Variants in SPOCD1 observed in about 807,000 individuals in gnomAD.
SPOCD1 encodes the protein SPOC domain containing 1.
Under a neutral mutation model 92.2 loss-of-function variants are expected in SPOCD1, and 64 were observed. The observed-to-expected ratio is 0.69, with a 90% CI of 0.57 to 0.86. SPOCD1 has a LOEUF of 0.86. Among genes scored for constraint, SPOCD1 ranks in the 40% least tolerant of loss-of-function variants. The pLI, the probability that SPOCD1 is intolerant of heterozygous loss-of-function variation, is 0.00. For missense variants in SPOCD1, 1,360 were observed against 1,543.1 expected, an observed-to-expected ratio of 0.88 and a Z score of 1.99; for synonymous variants, 578 against 619.3, an observed-to-expected ratio of 0.93 and a Z score of 0.99.
At chr1:31,802,797 G>A (rs541874850) in intron 2 of SPOCD1, among the ~76,000 whole-genome samples, 2 of 151,936 alleles carry the variant, frequency 1.3e-5, no homozygotes, top group Non-Finnish European at 2.9e-5. Flanking sequence ...GCTACCATTC[G>A]CGTTACAGAC....
chr1:31,808,819 A>T (rs1348426706), intron 2 of SPOCD1, among the ~76,000 whole-genome samples: 1 of 152,264 alleles, frequency 6.6e-6, no homozygotes, highest in South Asian at 2.1e-4. Flanking sequence ...TAATAAAAGC[A>T]AGATTTCTGG....
chr1:31,809,697 A>C (rs1649074010), intron 2 of SPOCD1, among the ~76,000 whole-genome samples: 1 of 152,224 alleles, frequency 6.6e-6, no homozygotes, highest in Non-Finnish European at 1.5e-5. Flanking sequence ...TAGCATGAAG[A>C]TAATACCAGT....
intron 10 of SPOCD1, chr1:31,795,633 C>T (rs1358493070): frequency 6.6e-6 from 1 of 152,196 alleles, no homozygotes; most frequent in Non-Finnish European, 1.5e-5. Flanking sequence ...AGCCACACCC[C>T]TTAGGGATCC....
intron 13 of SPOCD1, 57 bp downstream of exon 13, chr1:31,793,220 GA>G: frequency 6.6e-7 from 1 of 1,511,010 alleles, no homozygotes; most frequent in Non-Finnish European, 8.9e-7. Flanking sequence ...GAGAGAGAGA[GA>G]GGCTGCCTGG....
At chr1:31,805,921 TAATATACG>T (rs959042669) in intron 2 of SPOCD1, among the ~76,000 whole-genome samples, 3 of 152,110 alleles carry the variant, frequency 2.0e-5, no homozygotes, top group Non-Finnish European at 4.4e-5. Flanking sequence ...CAAAATGGAA[TAATATACG>T]AACAGGCAAA....
At chr1:31,792,633 G>T in intron 14 of SPOCD1, 45 bp downstream of exon 14, 1 of 1,463,076 alleles carries the variant, frequency 6.8e-7, no homozygotes, top group Non-Finnish European at 9.3e-7. Flanking sequence ...GGAGGTGGGA[G>T]TAAGGTACTA....
chr1:31,806,218 G>A (rs1175415113), intron 2 of SPOCD1, among the ~76,000 whole-genome samples: 1 of 130,248 alleles, frequency 7.7e-6, no homozygotes, highest in Non-Finnish European at 1.8e-5. Context: ...ATAATCAGTA[G>A]GAATAAAAAA....
At chr1:31,812,505 A>T (rs1285045699) in intron 2 of SPOCD1, among the ~76,000 whole-genome samples, 2 of 152,340 alleles carry the variant, frequency 1.3e-5, no homozygotes, top group African/African-American at 4.8e-5. Flanking sequence ...ACAATAAGGC[A>T]TAATAGGAGC....
intron 6 of SPOCD1, 64 bp from the exon 7 acceptor site, chr1:31,799,549 A>G (rs1648288281): frequency 1.4e-6 from 2 of 1,422,728 alleles, no homozygotes; most frequent in East Asian, 4.7e-5. Context: ...GGGCTGACTC[A>G]AGGCTGATGG....
intron 10 of SPOCD1, chr1:31,796,096 C>T: frequency 8.2e-6 from 2 of 244,360 alleles, no homozygotes; most frequent in East Asian, 2.2e-4. Flanking sequence ...AGACTATTGT[C>T]ACTCCCGTTG....
chr1:31,791,270 G>T lies in SPOCD1; in HGVS notation c.2984C>A (p.Ser995Tyr). ...GGPGLWALPVSPLLSPGLEVT... is the reference protein window; with the variant it reads ...GGPGLWALPVYPLLSPGLEVT... ...CTCCAGACCTGGGGAAAGGAGAGGG[G>T]AGACAGGAAGAGCCCAAAGGCCTGC... The change falls in exon 16 of 16, where the codon TCC becomes TAC. Residue 995 changes from serine (S) to tyrosine (Y), a missense_variant. Ser to Tyr is a moderately radical substitution (Grantham distance 144, BLOSUM62 -2). Coordinates refer to ENST00000360482, the MANE Select transcript of SPOCD1 (RefSeq NM_144569.7). 6.5e-7 allele frequency: 1 copy of T among 1,542,452 alleles called. No individual in the cohort carries two copies. Among genetic ancestry groups the T allele is most frequent in the Non-Finnish European group, 8.7e-7 (1 of 1,143,732 alleles).
At chr1:31,799,899 G>C (rs935688952) in intron 5 of SPOCD1, 36 bp from the exon 6 acceptor site, 12 of 1,614,026 alleles carry the variant, frequency 7.4e-6, no homozygotes, top group Non-Finnish European at 1.0e-5. Context: ...GGCTGTGCTG[G>C]TGGGCCTGGC....
chr1:31,804,985 C>CTTTCTTTTTTT (rs1553199549), intron 2 of SPOCD1, among the ~76,000 whole-genome samples: 3 of 105,918 alleles, frequency 2.8e-5, no homozygotes, highest in Non-Finnish European at 3.7e-5. Context: ...TTCTTTCTTT[C>CTTTCTTTTTTT]TTTTTTTTTT....
chr1:31,803,576 A>G (rs778189879), intron 2 of SPOCD1, among the ~76,000 whole-genome samples: 107 of 74,120 alleles, frequency 1.4e-3, no homozygotes, highest in Non-Finnish European at 2.4e-3. Context: ...CTACAAAAAC[A>G]AGAAAAAAAA....
chr1:31,813,896 G>T (rs1202199239), intron 2 of SPOCD1, 55 bp downstream of exon 2: 8 of 1,412,922 alleles, frequency 5.7e-6, no homozygotes, highest in Non-Finnish European at 7.5e-6. Context: ...GCCAAGTATG[G>T]TATTGAGAAA....
At chr1:31,813,421 T>C (rs183563956) in intron 2 of SPOCD1, among the ~76,000 whole-genome samples, 84 of 152,330 alleles carry the variant, frequency 5.5e-4, no homozygotes, top group Admixed American at 2.7e-3. Flanking sequence ...TGTGCCACCA[T>C]GCCCAGCTAA....
intron 2 of SPOCD1, among the ~76,000 whole-genome samples, chr1:31,802,298 G>A (rs558148178): frequency 1.8e-4 from 28 of 152,308 alleles, no homozygotes; most frequent in Non-Finnish European, 3.1e-4. Context: ...TGAAGTAGCT[G>A]GCCCCACAGA....
At chr1:31,805,837 G>A (rs1169521874) in intron 2 of SPOCD1, among the ~76,000 whole-genome samples, 1 of 151,910 alleles carries the variant, frequency 6.6e-6, no homozygotes, top group East Asian at 1.9e-4. Flanking sequence ...AGACCTTTAA[G>A]GAAAGAAAAT....
chr1:31,793,749 G>A lies in SPOCD1; in HGVS notation c.2532C>T (p.Asp844=). The A allele has an allele frequency of 1.2e-6, 2 of 1,614,114 alleles. No homozygotes were observed. Among genetic ancestry groups the A allele is most frequent in the Non-Finnish European group, 1.7e-6 (2 of 1,180,026 alleles). Reference sequence around the variant, plus strand: ...CCTCCCTGCTCCCAACCCCACACCTGTCCTGTGGTTCCGTGGGAGACAACT... The same window carrying A: ...CCTCCCTGCTCCCAACCCCACACCTATCCTGTGGTTCCGTGGGAGACAACT... The part of the protein sequence containing the change: ...TRELSPTEPQ[D]RVPPSGLHVP... The change falls in exon 12 of 16, where the codon GAC becomes GAT. Residue 844 remains aspartate (D), a splice_region_variant and synonymous_variant. Coordinates refer to ENST00000360482, the MANE Select transcript of SPOCD1 (RefSeq NM_144569.7).
Sources: allele counts gnomAD v4.1 joint callset (sites outside exome capture counted in the v4.1 genomes callset), GRCh38; gene constraint gnomAD v4.1.1; transcripts MANE v1.5; gene names NCBI Gene and HGNC (gene_info 2026-07-23, HGNC 2026-07-21).